ZNF354A: variants seen among roughly 807,000 people sequenced by gnomAD.
ZNF354A encodes the protein epididymis luminal protein 104.
Under a neutral mutation model 53.3 loss-of-function variants are expected in ZNF354A, and 25 were observed. The observed-to-expected ratio is 0.47, with a 90% CI of 0.34 to 0.66. The LOEUF is 0.66. Among genes scored for constraint, ZNF354A ranks in the 30% least tolerant of loss-of-function variants. The pLI is 0.01. For synonymous variants in ZNF354A, 228 were observed against 249.0 expected (o/e 0.92, Z 0.79); for missense variants, 586 against 716.8 (o/e 0.82, Z 2.08).
chr5:178,719,862 G>A (rs929134868), intron 4 of ZNF354A, among the ~76,000 whole-genome samples: 1 of 151,822 alleles, frequency 6.6e-6, no homozygotes, highest in Admixed American at 6.6e-5. Flanking sequence ...CAGGAGAATG[G>A]CGTGAACCCG....
At chr5:178,726,072 G>C in intron 3 of ZNF354A, 1 of 425,898 alleles carries the variant, frequency 2.3e-6, no homozygotes, top group South Asian at 1.6e-5. Context: ...TTGATCTTCT[G>C]ACCTTGTGAT....
In ZNF354A at chr5:178,715,559, T is replaced by C. The variant is rs74691743; in HGVS notation, c.257-1938A>G. Reference sequence around the variant, plus strand: ...GCTAAATTAAGTGATCAAATTTTAATACATTATTTAGGCCAAATATATGGA... The same window carrying C: ...GCTAAATTAAGTGATCAAATTTTAACACATTATTTAGGCCAAATATATGGA... On this transcript the variant is annotated intron_variant, in intron 4 of 4. Transcript: ENST00000335815. Among the ~76,000 whole-genome samples, 11 of 152,336 alleles carry C rather than the reference T, an allele frequency of 7.2e-5. No individual in the cohort carries two copies. In the East Asian group the frequency reaches 2.1e-3, roughly 29 times the overall value.
In ZNF354A at chr5:178,718,882, A is replaced by G. The variant is rs150436196; in HGVS notation, c.257-5261T>C. On this transcript the variant is annotated intron_variant, in intron 4 of 4. Coordinates refer to ENST00000335815, the MANE Select transcript of ZNF354A (RefSeq NM_005649.3). The stretch of plus-strand genomic sequence containing the variant: ...TGAGCAGCAGGAACTACGGGTGCAC[A>G]CTGCCAAGCTTGGCTAATATTTTTA... Among the ~76,000 whole-genome samples the G allele has an allele frequency of 3.8e-3, 580 of 152,252 alleles. 8 individuals are homozygous for G. Among genetic ancestry groups the G allele is most frequent in the African/African-American group, 0.014 (565 of 41,566 alleles).
intron 4 of ZNF354A, among the ~76,000 whole-genome samples, chr5:178,721,658 C>T (rs1765815194): frequency 6.6e-6 from 1 of 152,148 alleles, no homozygotes; most frequent in Non-Finnish European, 1.5e-5. Flanking sequence ...GTTTATCATC[C>T]TTGGAGTGCC....
chr5:178,727,515 A>G (rs1765934024), intron 2 of ZNF354A, among the ~76,000 whole-genome samples: 2 of 152,238 alleles, frequency 1.3e-5, no homozygotes, highest in South Asian at 4.1e-4. Flanking sequence ...GGTGTTTTTA[A>G]GAGCAAAAAA....
intron 4 of ZNF354A, among the ~76,000 whole-genome samples, chr5:178,715,095 A>G (rs1217215355): frequency 5.3e-5 from 8 of 152,242 alleles, no homozygotes. Context: ...ACAGAAGTGA[A>G]GAAATATTAA....
intron 4 of ZNF354A, among the ~76,000 whole-genome samples, chr5:178,718,571 T>C (rs575789146): frequency 6.6e-6 from 1 of 152,366 alleles, no homozygotes; most frequent in East Asian, 1.9e-4. Flanking sequence ...TATCTTTCTT[T>C]TTAAATTCAG....
At chr5:178,726,475 G>GT (rs974270552) in intron 3 of ZNF354A, among the ~76,000 whole-genome samples, 75 of 151,526 alleles carry the variant, frequency 4.9e-4, no homozygotes, top group African/African-American at 1.8e-3. Context: ...TTTTTTTTGT[G>GT]TTTTTTAGTA....
chr5:178,712,079 T>C lies in ZNF354A; in HGVS notation c.1799A>G (p.His600Arg). The change falls in exon 5 of 5, where the codon CAT (histidine) becomes CGT (arginine). Residue 600 changes from histidine (H) to arginine (R), a missense_variant. By Grantham distance (29) the His-to-Arg change is conservative. Transcript: ENST00000335815. Reference sequence around the variant, plus strand: ...TACTTTCTAGGGGTCCTCTTCGATATGAATTTTATAATGATTAGTAAGGGA... The same window carrying C: ...TACTTTCTAGGGGTCCTCTTCGATACGAATTTTATAATGATTAGTAAGGGA... ...RSSLTNHYKI[H>R]IEEDP 6.3e-7 allele frequency: 1 copy of C among 1,596,546 alleles called. No individual in the cohort carries two copies. The highest frequency in any genetic ancestry group is 1.7e-5 in the Admixed American group (1 of 57,200).
intron 2 of ZNF354A, among the ~76,000 whole-genome samples, 189 bp downstream of exon 2, chr5:178,728,794 AAAAAAAG>A (rs1310533260): frequency 1.3e-5 from 2 of 148,370 alleles, no homozygotes; most frequent in Non-Finnish European, 3.0e-5. Flanking sequence ...AAAAAAAAAA[AAAAAAAG>A]AGAACCACTA....
intron 4 of ZNF354A, among the ~76,000 whole-genome samples, chr5:178,716,316 A>G (rs781216615): frequency 2.6e-5 from 4 of 152,296 alleles, no homozygotes; most frequent in African/African-American, 4.8e-5. Flanking sequence ...CGTCCTTAAC[A>G]TGGTGAATAG....
In ZNF354A at chr5:178,713,437, G is replaced by A. The variant is rs1342535005; in HGVS notation, c.441C>T (p.Ala147=). 2 of 1,613,362 alleles carry A rather than the reference G, an allele frequency of 1.2e-6. No homozygotes were observed. The highest frequency in any genetic ancestry group is 1.1e-5 in the South Asian group (1 of 90,936). Residue 147 remains alanine, a synonymous_variant, in exon 5 of 5, where the codon GCC becomes GCT. Coordinates refer to ENST00000335815, the MANE Select transcript of ZNF354A (RefSeq NM_005649.3). ...CTATAGTGGGGATTTTTTTGTGGGT[G>A]GCTGAAACTATCTGAAAACTTCCCT... ...DKKGSFQIVS[A]THKKIPTIER...
chr5:178,713,506 C>T lies in ZNF354A; in HGVS notation c.372G>A (p.Lys124=). 1.9e-6 allele frequency: 3 copies of T among 1,613,504 alleles called. No individual in the cohort carries two copies. The highest frequency in any genetic ancestry group is 2.5e-6 in the Non-Finnish European group (3 of 1,179,948). ...CTAATCTGCCTTCATATATGTAAGG[C>T]TTTTCTAATTTCAAATCCCAAGGTA... ...RNVPWDLKLE[K]PYIYEGRLEK... is the part of the protein sequence containing the mutation. Residue 124 remains lysine, a synonymous_variant, in exon 5 of 5, where the codon AAG becomes AAA. Transcript: ENST00000335815.
At chr5:178,725,221 G>A (rs1185451958) in intron 4 of ZNF354A, among the ~76,000 whole-genome samples, 155 bp downstream of exon 4, 1 of 152,224 alleles carries the variant, frequency 6.6e-6, no homozygotes, top group Admixed American at 6.5e-5. Context: ...GATTCATGGG[G>A]AAGTGAATCC....
At chr5:178,716,251 T>C (rs368018922) in intron 4 of ZNF354A, among the ~76,000 whole-genome samples, 1 of 152,106 alleles carries the variant, frequency 6.6e-6, no homozygotes, top group Non-Finnish European at 1.5e-5. Flanking sequence ...GGTCCTCCAA[T>C]AGATTTTCAA....
intron 4 of ZNF354A, among the ~76,000 whole-genome samples, chr5:178,724,634 TG>T (rs1241471552): frequency 6.6e-6 from 1 of 152,228 alleles, no homozygotes; most frequent in African/African-American, 2.4e-5. Flanking sequence ...AAATACTACA[TG>T]TAAGTAATGC....
Position 178,712,113 on chromosome 5 carries a change from G to A in ZNF354A, c.1765C>T (p.His589Tyr), listed in dbSNP as rs573294159. The change falls in exon 5 of 5, where the codon CAT becomes TAT. Residue 589 changes from histidine (H) to tyrosine (Y), a missense_variant. Physicochemically the swap from His to Tyr is moderately conservative, Grantham distance 83. This residue lies in a region of ZNF354A where 573 missense variants were observed against 680.1 expected (regional missense o/e 0.84). Transcript: ENST00000335815. ...TAATGATTAGTAAGGGATGACCTAT[G>A]GTTGAAAAGTTTCCCACATGTATTA... is the stretch of plus-strand genomic sequence containing the variant. ...ECNTCGKLFN[H>Y]RSSLTNHYKI... The A allele has an allele frequency of 1.9e-6, 3 of 1,612,874 alleles. No homozygotes were observed. The highest frequency in any genetic ancestry group is 2.2e-5 in the East Asian group (1 of 44,842).
chr5:178,729,585 C>G (rs940749160), intron 1 of ZNF354A, among the ~76,000 whole-genome samples: 2 of 151,994 alleles, frequency 1.3e-5, no homozygotes, highest in Non-Finnish European at 2.9e-5. Flanking sequence ...GAGTCTCGCT[C>G]TGTTGGCCAG....
intron 4 of ZNF354A, among the ~76,000 whole-genome samples, chr5:178,716,638 T>C (rs1321285991): frequency 6.6e-6 from 1 of 152,022 alleles, no homozygotes; most frequent in Non-Finnish European, 1.5e-5. Flanking sequence ...AAGTACGTAA[T>C]AAAAGTCATG....
Sources: allele counts gnomAD v4.1 joint callset (sites outside exome capture counted in the v4.1 genomes callset), GRCh38; gene constraint gnomAD v4.1.1; regional missense constraint gnomAD v4.1.1; transcripts MANE v1.5; gene names NCBI Gene and HGNC (gene_info 2026-07-23, HGNC 2026-07-21).